NFIB: variants seen among roughly 807,000 people sequenced by gnomAD.
The protein encoded by NFIB is nuclear factor 1 B-type.
In NFIB, 11 loss-of-function variants were observed where a neutral mutation model predicts 61.5. That is an observed-to-expected ratio of 0.18 (90% confidence interval 0.11 to 0.30). The LOEUF (loss-of-function observed/expected upper bound fraction) is 0.30, where lower values mean the gene tolerates loss of function less well. Ranked by LOEUF, NFIB falls within the 10% of genes least tolerant of loss-of-function variation. The pLI is 1.00. For synonymous variants in NFIB, 260 were observed against 216.5 expected (o/e 1.20, Z -1.76); for missense variants, 471 against 608.9 (o/e 0.77, Z 2.38).
the NFIB span, among the ~76,000 whole-genome samples, chr9:14,460,465 C>A: frequency 6.6e-6 from 1 of 151,810 alleles, no homozygotes; most frequent in Non-Finnish European, 1.5e-5. Flanking sequence ...CATGTATACA[C>A]ACGTAACAAA....
At chr9:14,175,465 C>T (rs996520859) in intron 3 of NFIB, among the ~76,000 whole-genome samples, 3 of 152,136 alleles carry the variant, frequency 2.0e-5, no homozygotes, top group Non-Finnish European at 2.9e-5. Flanking sequence ...TAAGACACCA[C>T]GCCCAGCCAG....
intron 2 of NFIB, among the ~76,000 whole-genome samples, chr9:14,279,076 G>A (rs114571546): frequency 2.2e-4 from 34 of 152,098 alleles, no homozygotes; most frequent in African/African-American, 5.5e-4. Flanking sequence ...AGAGAGAGAC[G>A]GACACAGAGA....
At chr9:14,226,613 TTTA>T (rs1272468729) in intron 2 of NFIB, among the ~76,000 whole-genome samples, 2 of 151,718 alleles carry the variant, frequency 1.3e-5, no homozygotes, top group African/African-American at 4.8e-5. Flanking sequence ...TCTTATGAGC[TTTA>T]TTAATATAAG....
At chr9:14,473,344 A>G in the NFIB span, among the ~76,000 whole-genome samples, 4 of 152,264 alleles carry the variant, frequency 2.6e-5, no homozygotes, top group African/African-American at 4.8e-5. Context: ...AGACTAGAAC[A>G]AAAAGTATTC....
At chr9:14,209,554 A>C (rs1368633031) in intron 2 of NFIB, among the ~76,000 whole-genome samples, 1 of 152,272 alleles carries the variant, frequency 6.6e-6, no homozygotes, top group African/African-American at 2.4e-5. Flanking sequence ...AAAAAGAAGT[A>C]AAGTCATTTC....
intron 2 of NFIB, among the ~76,000 whole-genome samples, chr9:14,265,638 A>G (rs569615876): frequency 6.6e-6 from 1 of 152,324 alleles, no homozygotes; most frequent in Admixed American, 6.5e-5. Context: ...GTTGACTACC[A>G]TGAACACCAA....
chr9:14,283,743 A>T (rs1458811330), intron 2 of NFIB, among the ~76,000 whole-genome samples: 1 of 152,260 alleles, frequency 6.6e-6, no homozygotes, highest in Non-Finnish European at 1.5e-5. Context: ...ATCCAGGAAC[A>T]CTCAAGAAAG....
At chr9:14,234,902 T>C (rs1242802941) in intron 2 of NFIB, among the ~76,000 whole-genome samples, 1 of 151,748 alleles carries the variant, frequency 6.6e-6, no homozygotes, top group Non-Finnish European at 1.5e-5. Context: ...AATCACTGGA[T>C]CAACCAGGGG....
rs1336313958 is a variant in NFIB, at chr9:14,378,905, T to C, written c.108+19619A>G. ...CTTGTACTTCTGATTTGATTTGACC[T>C]TGGTTTTGATGTGAAAAATTTTTAA... On this transcript the variant is annotated intron_variant, in intron 1 of 8. Transcript: ENST00000380934. Among the ~76,000 whole-genome samples the C allele has an allele frequency of 3.3e-5, 5 of 152,082 alleles. No homozygotes were observed. In the East Asian group the frequency reaches 5.8e-4, roughly 18 times the overall value.
chr9:14,376,136 C>T (rs11788905), intron 1 of NFIB, among the ~76,000 whole-genome samples: 12,096 of 152,206 alleles, frequency 0.079, 640 homozygotes, highest in Middle Eastern at 0.13. Flanking sequence ...CCATAGCACA[C>T]TACAGTCTTA....
the NFIB span, among the ~76,000 whole-genome samples, chr9:14,519,129 G>A: frequency 6.6e-6 from 1 of 152,118 alleles, no homozygotes; most frequent in Non-Finnish European, 1.5e-5. Context: ...AGCGGGACTG[G>A]CTTTATTTAT....
In NFIB at chr9:14,352,515, C is replaced by T. The variant is rs55651001; in HGVS notation, c.109-44995G>A. Among the ~76,000 whole-genome samples the T allele has an allele frequency of 4.1e-3, 618 of 152,316 alleles. 2 individuals carry two copies. The highest frequency in any genetic ancestry group is 6.8e-3 in the Non-Finnish European group (460 of 68,034). On this transcript the variant is annotated intron_variant, in intron 1 of 8. Transcript: ENST00000380934. ...CTGTTCCTCCTGCCCCTGCCTGGCTCCTGAGACCACAGGCTCCCTCAGTGT... is the reference window on the plus strand; with the variant it reads ...CTGTTCCTCCTGCCCCTGCCTGGCTTCTGAGACCACAGGCTCCCTCAGTGT...
intron 2 of NFIB, among the ~76,000 whole-genome samples, chr9:14,206,709 A>C (rs890048570): frequency 1.3e-5 from 2 of 151,384 alleles, no homozygotes; most frequent in East Asian, 3.9e-4. Context: ...AAAAAAAAAA[A>C]AAAAAAAAAA....
At chr9:14,146,614 T>C (rs2131111381) in intron 6 of NFIB, 75 bp downstream of exon 6, 1 of 1,601,790 alleles carries the variant, frequency 6.2e-7, no homozygotes. Context: ...AATTATGAAA[T>C]TTTGACTCAA....
At chr9:14,127,341 T>C (rs745959705) in intron 6 of NFIB, among the ~76,000 whole-genome samples, 13 of 152,186 alleles carry the variant, frequency 8.5e-5, no homozygotes, top group Non-Finnish European at 1.5e-4. Context: ...AAAATTTGTA[T>C]TTTATTATGA....
intron 2 of NFIB, among the ~76,000 whole-genome samples, chr9:14,202,195 T>G (rs950207607): frequency 6.6e-6 from 1 of 151,716 alleles, no homozygotes; most frequent in Non-Finnish European, 1.5e-5. Flanking sequence ...ACTTTTTCAT[T>G]TAATTTTTGT....
the NFIB span, among the ~76,000 whole-genome samples, chr9:14,488,403 G>A: frequency 9.9e-5 from 15 of 152,042 alleles, no homozygotes; most frequent in South Asian, 1.2e-3. Context: ...TGTTAAAAAT[G>A]GAGGTTCCCA....
the NFIB span, among the ~76,000 whole-genome samples, chr9:14,450,427 G>C: frequency 1.3e-5 from 2 of 152,126 alleles, no homozygotes; most frequent in African/African-American, 4.8e-5. Context: ...TAATATTATA[G>C]TTCGTTTCAA....
chr9:14,148,463 TA>T (rs1256807469), intron 5 of NFIB, among the ~76,000 whole-genome samples: 1 of 152,138 alleles, frequency 6.6e-6, no homozygotes, highest in African/African-American at 2.4e-5. Context: ...CCTATGCTGG[TA>T]AAACCTTTTT....
Sources: allele counts gnomAD v4.1 joint callset (sites outside exome capture counted in the v4.1 genomes callset), GRCh38; gene constraint gnomAD v4.1.1; transcripts MANE v1.5; gene names NCBI Gene and HGNC (gene_info 2026-07-23, HGNC 2026-07-21).